The following DIPK1A variants were observed in gnomAD, a reference collection of about 807,000 sequenced individuals.
DIPK1A encodes the protein family with sequence similarity 69 member A.
In DIPK1A, 27 loss-of-function variants were observed where a neutral mutation model predicts 40.8. The ratio of observed to expected loss-of-function variants is 0.66; its 90% CI spans 0.49 to 0.91. The LOEUF (loss-of-function observed/expected upper bound fraction) is 0.91. Among genes scored for constraint, DIPK1A ranks in the 40% least tolerant of loss-of-function variants. The pLI, the probability that DIPK1A is intolerant of heterozygous loss-of-function variation, is 0.00. For synonymous variants in DIPK1A, 166 were observed against 171.3 expected, an observed-to-expected ratio of 0.97 and a Z score of 0.24; for missense variants, 412 against 505.7, an observed-to-expected ratio of 0.81 and a Z score of 1.78.
At chr1:92,832,957 C>G in exon 5 of DIPK1A, 1 of 716,216 alleles carries the variant, frequency 1.4e-6, no homozygotes, top group Non-Finnish European at 2.6e-6. Flanking sequence ...GTGTTCCGAA[C>G]AAACCGACGT....
At chr1:92,927,096 T>C (rs1388976103) in intron 1 of DIPK1A, among the ~76,000 whole-genome samples, 2 of 152,228 alleles carry the variant, frequency 1.3e-5, no homozygotes, top group African/African-American at 4.8e-5. Context: ...AAATTTAGTA[T>C]TCTTATTGTC....
chr1:92,847,338 T>A lies in DIPK1A; in HGVS notation c.319A>T (p.Asn107Tyr). The change falls in exon 4 of 5, where the codon AAT becomes TAT. Residue 107 changes from asparagine (N) to tyrosine (Y), a missense_variant. By Grantham distance (143) the Asn-to-Tyr change is moderately radical (BLOSUM62 -2). Transcript: ENST00000370310. ...TGACATTTCACAACACCTGGTAGATTATCCCAAATCCCTAAATACATCTAT... is the reference window on the plus strand; with the variant it reads ...TGACATTTCACAACACCTGGTAGATAATCCCAAATCCCTAAATACATCTAT... ...NNQMYLGIWD[N>Y]LPGVVKCQME... 1 of 1,608,514 alleles carries A rather than the reference T, an allele frequency of 6.2e-7. No individual in the cohort carries two copies. The highest frequency in any genetic ancestry group is 8.5e-7 in the Non-Finnish European group (1 of 1,177,388).
chr1:92,944,152 T>A (rs888272650), intron 1 of DIPK1A, among the ~76,000 whole-genome samples: 1 of 151,872 alleles, frequency 6.6e-6, no homozygotes, highest in African/African-American at 2.4e-5. Flanking sequence ...AAAATAAAAT[T>A]GAGAAACTCA....
intron 1 of DIPK1A, among the ~76,000 whole-genome samples, chr1:92,927,796 T>C (rs1171154153): frequency 6.6e-6 from 1 of 152,252 alleles, no homozygotes; most frequent in Non-Finnish European, 1.5e-5. Flanking sequence ...ACTTCGTTTC[T>C]TTTTATTGCT....
At chr1:92,871,326 C>T (rs1043915102) in intron 2 of DIPK1A, among the ~76,000 whole-genome samples, 25 of 152,068 alleles carry the variant, frequency 1.6e-4, no homozygotes, top group Middle Eastern at 3.4e-3. Flanking sequence ...CCACCACGCA[C>T]GGCTAATTTT....
intron 1 of DIPK1A, among the ~76,000 whole-genome samples, chr1:92,918,722 CTT>C (rs1022133609): frequency 1.1e-4 from 16 of 152,142 alleles, no homozygotes; most frequent in African/African-American, 3.9e-4. Context: ...AGTCCCCAAA[CTT>C]TTTCACATCA....
At chr1:92,861,955 T>C (rs1297460897) in intron 2 of DIPK1A, among the ~76,000 whole-genome samples, 2 of 152,142 alleles carry the variant, frequency 1.3e-5, no homozygotes, top group East Asian at 3.9e-4. Context: ...AAGTTTTGTA[T>C]TTTTTGTAGA....
chr1:92,840,791 G>A (rs772581308), downstream of DIPK1A: 1 of 744,398 alleles, frequency 1.3e-6, no homozygotes, highest in South Asian at 1.4e-5. Context: ...AGTAACTGTG[G>A]TGATGGAAAT....
In DIPK1A at chr1:92,914,054, A is replaced by C. The variant is rs200276943; in HGVS notation, c.55-37624T>G. 7.2e-5 allele frequency among the ~76,000 whole-genome samples: 11 copies of C among 151,968 alleles called. No individual in the cohort carries two copies. The East Asian group carries it at 1.7e-3, about 24-fold the overall frequency. The stretch of plus-strand genomic sequence containing the variant: ...ATATACATAGACACTCCATCACTGC[A>C]ATTTCTTTTTCTCAGTTGTCTCTCT... On this transcript the variant is annotated intron_variant, in intron 1 of 4. Transcript: ENST00000370310.
chr1:92,919,043 G>T (rs995746664), intron 1 of DIPK1A, among the ~76,000 whole-genome samples: 1 of 152,120 alleles, frequency 6.6e-6, no homozygotes, highest in Non-Finnish European at 1.5e-5. Flanking sequence ...CTGCAGCCTG[G>T]GAGTTGGGAA....
chr1:92,877,010 G>C (rs994914541), intron 1 of DIPK1A: 4 of 985,310 alleles, frequency 4.1e-6, no homozygotes, highest in Non-Finnish European at 4.8e-6. Context: ...TCACCGAATA[G>C]ATATTCTGGA....
At chr1:92,933,079 A>C (rs1326076018) in intron 1 of DIPK1A, 2 of 152,148 alleles carry the variant, frequency 1.3e-5, no homozygotes, top group East Asian at 3.8e-4. Context: ...GCAAATTTTA[A>C]ATTGCTCTAA....
chr1:92,927,123 A>G, intron 1 of DIPK1A, among the ~76,000 whole-genome samples: 1 of 152,276 alleles, frequency 6.6e-6, no homozygotes, highest in Middle Eastern at 3.4e-3. Context: ...AAACAGCTTT[A>G]TTGAAATATA....
chr1:92,954,124 TAA>T (rs1218787096), intron 1 of DIPK1A, among the ~76,000 whole-genome samples: 1 of 152,040 alleles, frequency 6.6e-6, no homozygotes, highest in African/African-American at 2.4e-5. Flanking sequence ...CTTCGTAGAT[TAA>T]AAAGTTTTAA....
At chr1:92,913,273 G>A (rs1649907260) in intron 1 of DIPK1A, among the ~76,000 whole-genome samples, 2 of 152,044 alleles carry the variant, frequency 1.3e-5, no homozygotes, top group South Asian at 4.1e-4. Context: ...TTATTCCCAA[G>A]CTACTGATTG....
chr1:92,854,592 C>T (rs1004087763), intron 2 of DIPK1A, among the ~76,000 whole-genome samples: 3 of 152,202 alleles, frequency 2.0e-5, no homozygotes, highest in African/African-American at 7.2e-5. Flanking sequence ...TGCCCTTCAG[C>T]TAGTAGTAGT....
At chr1:92,864,549 T>C (rs1172337987) in intron 2 of DIPK1A, among the ~76,000 whole-genome samples, 1 of 152,146 alleles carries the variant, frequency 6.6e-6, no homozygotes, top group Non-Finnish European at 1.5e-5. Context: ...AGAAGGGAAA[T>C]ATTCTTCTCT....
intron 1 of DIPK1A, among the ~76,000 whole-genome samples, chr1:92,891,553 C>T (rs938761316): frequency 2.0e-5 from 3 of 152,098 alleles, no homozygotes; most frequent in Admixed American, 6.5e-5. Flanking sequence ...CGAATAGGAA[C>T]AGCTCCAGTC....
downstream of DIPK1A, among the ~76,000 whole-genome samples, chr1:92,839,376 C>T (rs949956877): frequency 6.6e-6 from 1 of 151,936 alleles, no homozygotes; most frequent in Non-Finnish European, 1.5e-5. Context: ...AAAAAATTGC[C>T]CAATAAAATA....
Sources: allele counts gnomAD v4.1 joint callset (sites outside exome capture counted in the v4.1 genomes callset), GRCh38; gene constraint gnomAD v4.1.1; transcripts MANE v1.5; gene names NCBI Gene and HGNC (gene_info 2026-07-23, HGNC 2026-07-21).